Variants in TLN2 observed in about 807,000 individuals in gnomAD.
TLN2 encodes the protein talin 2, also known as talin-2.
In TLN2, 118 loss-of-function variants were observed where a neutral mutation model predicts 294.7. The observed-to-expected ratio is 0.40, with a 90% CI of 0.34 to 0.47. The LOEUF (loss-of-function observed/expected upper bound fraction) is 0.47, where lower values mean the gene tolerates loss of function less well. TLN2 is among the 20% of genes least tolerant of loss of function. TLN2 has a pLI of 0.84. For missense variants in TLN2, 3,083 were observed against 3,282.2 expected (o/e 0.94, Z 1.48); for synonymous variants, 1,431 against 1,304.5 (o/e 1.10, Z -2.09).
At chr15:62,476,764 G>A (rs1326929284) in intron 1 of TLN2, among the ~76,000 whole-genome samples, 1 of 152,206 alleles carries the variant, frequency 6.6e-6, no homozygotes, top group Non-Finnish European at 1.5e-5. Flanking sequence ...CTTCGAGAAA[G>A]CACCCGCTTT....
chr15:62,564,676 G>A (rs1005467824), intron 1 of TLN2, among the ~76,000 whole-genome samples: 2 of 152,048 alleles, frequency 1.3e-5, no homozygotes, highest in Non-Finnish European at 2.9e-5. Flanking sequence ...GGAGGTTGAG[G>A]CAGGTGGATC....
At chr15:62,752,651 A>G (rs1337136587) in intron 35 of TLN2, among the ~76,000 whole-genome samples, 1 of 152,226 alleles carries the variant, frequency 6.6e-6, no homozygotes, top group Non-Finnish European at 1.5e-5. Context: ...GACTCAGTAC[A>G]GACCCAGCAT....
intron 11 of TLN2, among the ~76,000 whole-genome samples, chr15:62,676,464 T>C (rs531306972): frequency 3.7e-4 from 57 of 152,200 alleles, no homozygotes; most frequent in African/African-American, 1.3e-3. Flanking sequence ...AAAAGATCAG[T>C]GAGTATTTAA....
chr15:62,531,527 G>T (rs376726269), intron 1 of TLN2, among the ~76,000 whole-genome samples: 2 of 152,010 alleles, frequency 1.3e-5, no homozygotes, highest in Non-Finnish European at 2.9e-5. Context: ...AGAATGTATT[G>T]GATGTTTCAA....
At chr15:62,820,453 A>G (rs776876370) in intron 53 of TLN2, 33 bp from the exon 54 acceptor site, 7 of 1,611,332 alleles carry the variant, frequency 4.3e-6, no homozygotes, top group Non-Finnish European at 5.9e-6. Context: ...GTCTGCAGCT[A>G]TGAAGAATCA....
chr15:62,789,141 C>A (rs559589387), intron 45 of TLN2, among the ~76,000 whole-genome samples: 9 of 152,260 alleles, frequency 5.9e-5, no homozygotes, highest in African/African-American at 2.2e-4. Flanking sequence ...CCTTGATAAC[C>A]CTGCATCCCT....
At chr15:62,776,978 C>G (rs1035269395) in intron 43 of TLN2, 68 bp downstream of exon 43, 14 of 1,333,760 alleles carry the variant, frequency 1.0e-5, no homozygotes, top group African/African-American at 7.5e-5. Context: ...GTGCTTTTCT[C>G]TAAGCTGTCA....
At position 62,415,011 on chromosome 15, in the gene TLN2, A is replaced by G. The variant is rs563749600; in HGVS notation, c.-238+24326A>G. Among the ~76,000 whole-genome samples, 78 of 141,148 alleles carry G rather than the reference A, an allele frequency of 5.5e-4. 13 individuals carry two copies. In the South Asian group the frequency reaches 0.012, roughly 22 times the overall value. The allele number at this position is 141,148 out of a possible 152,430, so 92.6% of individuals were successfully genotyped here. A position where few individuals can be genotyped will look rare whatever the true frequency, so the allele number is the denominator to read the frequency against. Reference sequence around the variant, plus strand: ...CCTGCAACCTGTGCCTCCCAGGTTCAAGCAATTCTGCCTCAGCCCCCCGAG... The same window carrying G: ...CCTGCAACCTGTGCCTCCCAGGTTCGAGCAATTCTGCCTCAGCCCCCCGAG... On this transcript the variant is annotated intron_variant, in intron 1 of 58. Coordinates refer to ENST00000636159, the MANE Select transcript of TLN2 (RefSeq NM_015059.3).
Position 62,768,457 on chromosome 15 carries a change from T to C in TLN2, c.5196+2035T>C, listed in dbSNP as rs565343511. On this transcript the variant is annotated intron_variant, in intron 41 of 58. Coordinates refer to ENST00000636159, the MANE Select transcript of TLN2 (RefSeq NM_015059.3). ...CACTTGTTATTGGATTTAGAGCCCGTCCCGGTAACTCAGGACATTCTTATT... is the reference window on the plus strand; with the variant it reads ...CACTTGTTATTGGATTTAGAGCCCGCCCCGGTAACTCAGGACATTCTTATT... 6.7e-4 allele frequency among the ~76,000 whole-genome samples: 102 copies of C among 152,296 alleles called. 2 individuals carry two copies. The highest frequency in any genetic ancestry group is 6.8e-3 in the Middle Eastern group (2 of 294).
At chr15:62,744,414 T>C (rs1478898082) in intron 32 of TLN2, among the ~76,000 whole-genome samples, 2 of 150,586 alleles carry the variant, frequency 1.3e-5, no homozygotes, top group Non-Finnish European at 3.0e-5. Context: ...ATTTTTTTTT[T>C]TTTTTTTTTT....
chr15:62,445,455 C>T (rs1304834663), intron 1 of TLN2, among the ~76,000 whole-genome samples: 2 of 152,160 alleles, frequency 1.3e-5, no homozygotes, highest in Non-Finnish European at 2.9e-5. Flanking sequence ...CAGTGACTCA[C>T]ATGCATAATA....
Position 62,776,838 on chromosome 15 carries a change from G to C in TLN2, c.5442G>C (p.Thr1814=), listed in dbSNP as rs141182921. 1 of 1,601,466 alleles carries C rather than the reference G, an allele frequency of 6.2e-7. No individual in the cohort carries two copies. The highest frequency in any genetic ancestry group is 1.3e-5 in the African/African-American group (1 of 74,130). Residue 1814 remains threonine, a synonymous_variant, in exon 43 of 59, where the codon ACG becomes ACC. Transcript: ENST00000636159. ...MKEAVDDIMV[T]LNEAASEVGL... The stretch of plus-strand genomic sequence containing the variant: ...AAGCCGTGGATGACATCATGGTGAC[G>C]CTGAACGAAGCTGCCAGTGAAGTGG...
chr15:62,782,361 A>G (rs374891669), intron 44 of TLN2, among the ~76,000 whole-genome samples: 32 of 152,348 alleles, frequency 2.1e-4, no homozygotes, highest in Admixed American at 1.2e-3. Flanking sequence ...TCAGGGGAGC[A>G]TGGAGGACGG....
chr15:62,761,034 A>G (rs779625927), intron 37 of TLN2, among the ~76,000 whole-genome samples: 2 of 152,154 alleles, frequency 1.3e-5, no homozygotes, highest in Admixed American at 1.3e-4. Context: ...ATGGAATTGT[A>G]CAGGAGGCAC....
intron 1 of TLN2, among the ~76,000 whole-genome samples, chr15:62,491,645 T>C (rs1399780786): frequency 6.6e-6 from 1 of 152,176 alleles, no homozygotes; most frequent in Non-Finnish European, 1.5e-5. Context: ...TTTTTCTTAG[T>C]AGCTATCTTT....
intron 34 of TLN2, among the ~76,000 whole-genome samples, chr15:62,751,386 C>T (rs8030662): frequency 3.9e-5 from 6 of 152,030 alleles, no homozygotes; most frequent in African/African-American, 1.5e-4. Flanking sequence ...CATCCAGTAC[C>T]TTTTATGGAA....
chr15:62,713,897 C>CATATATATATATATAT (rs34783254), intron 22 of TLN2, among the ~76,000 whole-genome samples: 21 of 119,020 alleles, frequency 1.8e-4, no homozygotes, highest in South Asian at 6.2e-4. Context: ...TTCTTTAAGC[C>CATATATATATATATAT]ATATATATAT....
intron 1 of TLN2, among the ~76,000 whole-genome samples, chr15:62,481,985 C>A (rs202126880): frequency 1.3e-5 from 2 of 151,330 alleles, no homozygotes; most frequent in African/African-American, 4.9e-5. Flanking sequence ...TTAGTAGAGA[C>A]GGGATTTCAC....
chr15:62,559,469 G>A (rs2042790559), intron 1 of TLN2, among the ~76,000 whole-genome samples: 1 of 152,208 alleles, frequency 6.6e-6, no homozygotes, highest in African/African-American at 2.4e-5. Context: ...AAGCAGCTTT[G>A]TTTGGCTCAG....
Sources: allele counts gnomAD v4.1 joint callset (sites outside exome capture counted in the v4.1 genomes callset), GRCh38; gene constraint gnomAD v4.1.1; transcripts MANE v1.5; gene names NCBI Gene and HGNC (gene_info 2026-07-23, HGNC 2026-07-21).